The following IQSEC1 variants were observed in gnomAD, a reference collection of about 807,000 sequenced individuals.
IQSEC1 encodes the protein IQ motif and Sec7 domain ArfGEF 1.
A neutral mutation model predicts 91.0 loss-of-function variants in IQSEC1; 31 were observed. The ratio of observed to expected loss-of-function variants is 0.34; its 90% CI spans 0.26 to 0.46. The LOEUF (loss-of-function observed/expected upper bound fraction) is 0.46, where lower values mean the gene tolerates loss of function less well. Among genes scored for constraint, IQSEC1 ranks in the 20% least tolerant of loss-of-function variants. IQSEC1 has a pLI of 1.00. For missense variants in IQSEC1, 1,388 were observed against 1,575.6 expected (o/e 0.88, Z 2.02); for synonymous variants, 699 against 662.6 (o/e 1.05, Z -0.84).
intron 1 of IQSEC1, among the ~76,000 whole-genome samples, chr3:13,071,350 T>C (rs1271190401): frequency 1.3e-5 from 2 of 152,036 alleles, no homozygotes; most frequent in Admixed American, 6.6e-5. Context: ...TTTCTGAGCA[T>C]TGGAGGCAAG....
intron 1 of IQSEC1, among the ~76,000 whole-genome samples, chr3:12,955,491 C>A (rs931740573): frequency 2.0e-5 from 3 of 152,232 alleles, no homozygotes; most frequent in South Asian, 2.1e-4. Flanking sequence ...TGCAATCAAC[C>A]CCAGCCAGGG....
At chr3:13,202,417 G>A (rs1183007577) in intron 1 of IQSEC1, among the ~76,000 whole-genome samples, 1 of 152,220 alleles carries the variant, frequency 6.6e-6, no homozygotes, top group Non-Finnish European at 1.5e-5. Flanking sequence ...GACCATCGAT[G>A]GAGGAATAAA....
At chr3:13,059,587 C>CA (rs1704994562) in intron 1 of IQSEC1, among the ~76,000 whole-genome samples, 1 of 151,894 alleles carries the variant, frequency 6.6e-6, no homozygotes, top group South Asian at 2.1e-4. Context: ...CCAGTCTCTA[C>CA]AAAAAAATAA....
intron 1 of IQSEC1, among the ~76,000 whole-genome samples, chr3:13,040,557 A>G (rs1440920143): frequency 2.0e-5 from 3 of 152,120 alleles, no homozygotes; most frequent in Non-Finnish European, 4.4e-5. Flanking sequence ...TGGCCCCCAG[A>G]GTGTGACTCT....
intron 1 of IQSEC1, among the ~76,000 whole-genome samples, chr3:12,968,921 C>A (rs1403915806): frequency 6.6e-6 from 1 of 152,204 alleles, no homozygotes; most frequent in Non-Finnish European, 1.5e-5. Context: ...GCTGAGGTGG[C>A]CCAGCTTGCA....
chr3:13,107,958 C>T (rs1414081126), intron 2 of IQSEC1, among the ~76,000 whole-genome samples: 2 of 152,230 alleles, frequency 1.3e-5, no homozygotes, highest in African/African-American at 4.8e-5. Flanking sequence ...CAGAGGGCGC[C>T]GGGGAGCAGC....
chr3:13,249,817 C>T (rs1695165079), intron 1 of IQSEC1, among the ~76,000 whole-genome samples: 1 of 152,236 alleles, frequency 6.6e-6, no homozygotes, highest in Non-Finnish European at 1.5e-5. Flanking sequence ...GCAGACGCTG[C>T]AGCCGTCATC....
chr3:13,257,784 C>T (rs562994552), intron 1 of IQSEC1, among the ~76,000 whole-genome samples: 2 of 152,344 alleles, frequency 1.3e-5, no homozygotes, highest in South Asian at 4.1e-4. Flanking sequence ...AAACTACATA[C>T]GCCCCTGCCA....
intron 1 of IQSEC1, among the ~76,000 whole-genome samples, chr3:12,995,587 C>G (rs970532774): frequency 3.9e-5 from 6 of 152,254 alleles, no homozygotes; most frequent in African/African-American, 1.2e-4. Context: ...GAACACCCAC[C>G]TGCGAAGCTG....
intron 1 of IQSEC1, among the ~76,000 whole-genome samples, chr3:12,980,226 C>A (rs1439989389): frequency 6.6e-6 from 1 of 152,214 alleles, no homozygotes; most frequent in Non-Finnish European, 1.5e-5. Context: ...AAATGACTCA[C>A]CTCCAGGCCA....
intron 7 of IQSEC1, 32 bp downstream of exon 7, chr3:12,915,562 G>C (rs774722574): frequency 1.2e-6 from 2 of 1,606,258 alleles, no homozygotes; most frequent in South Asian, 2.2e-5. Context: ...GGTGGTGCTG[G>C]GGCCCACCAC....
intron 2 of IQSEC1, among the ~76,000 whole-genome samples, chr3:13,153,265 A>T (rs358354): frequency 6.6e-6 from 1 of 152,084 alleles, no homozygotes; most frequent in South Asian, 2.1e-4. Flanking sequence ...GAAGCAGGCA[A>T]CCCCTGCAGG....
At position 12,899,467 on chromosome 3, in the gene IQSEC1, C is replaced by G; in HGVS notation, c.*1516G>C. On this transcript the variant is annotated 3_prime_UTR_variant, in exon 14 of 14. Transcript: ENST00000613206. ...GTATGGCCCGTGGGTGACTCGGGCACAGACCTGCCGCGTGCAGGTCTGGCC... is the reference window on the plus strand; with the variant it reads ...GTATGGCCCGTGGGTGACTCGGGCAGAGACCTGCCGCGTGCAGGTCTGGCC... 1 of 1,601,960 alleles carries G rather than the reference C, an allele frequency of 6.2e-7. No homozygotes were observed.
chr3:13,110,083 T>C (rs1043440306), intron 2 of IQSEC1, among the ~76,000 whole-genome samples: 2 of 151,578 alleles, frequency 1.3e-5, no homozygotes, highest in African/African-American at 4.8e-5. Context: ...AGGTTTCCCA[T>C]GTTGGCCAGG....
chr3:13,073,203 C>G lies in IQSEC1; in HGVS notation c.-189G>C. On this transcript the variant is annotated 5_prime_UTR_variant, in exon 1 of 14. Transcript: ENST00000613206. ...GGGCGGGAGCGGGGGGCGGCGCCAG[C>G]AGCGGGCTGTGGAGGGCCCTGGCAC... The G allele has an allele frequency of 4.4e-6, 3 of 685,590 alleles. No homozygotes were observed. The South Asian group carries it at 5.2e-5, about 12-fold the overall frequency. The allele number at this position is 685,590 out of a possible 1,614,324, so 42.5% of individuals were successfully genotyped here.
At chr3:13,140,435 G>T (rs1242082969) in intron 2 of IQSEC1, among the ~76,000 whole-genome samples, 1 of 152,234 alleles carries the variant, frequency 6.6e-6, no homozygotes, top group Non-Finnish European at 1.5e-5. Context: ...TGATGACAAA[G>T]AAAGTGAATT....
intron 1 of IQSEC1, among the ~76,000 whole-genome samples, chr3:13,009,657 G>GTA (rs1356237950): frequency 2.0e-4 from 24 of 117,848 alleles, no homozygotes; most frequent in African/African-American, 6.3e-4. Flanking sequence ...TAGTATGTTT[G>GTA]TATATATATA....
intron 1 of IQSEC1, among the ~76,000 whole-genome samples, chr3:12,942,935 C>T (rs1417174258): frequency 2.6e-5 from 4 of 152,248 alleles, no homozygotes; most frequent in African/African-American, 7.2e-5. Context: ...ACCCTGCCTA[C>T]GCCCTGATCC....
Position 12,935,588 on chromosome 3 carries a change from C to T in IQSEC1, c.1428G>A (p.Ser476=), listed in dbSNP as rs3732685. 5,353 of 1,614,096 alleles carry T rather than the reference C, an allele frequency of 3.3e-3. 106 individuals carry two copies. In the East Asian group the frequency reaches 0.043, roughly 13 times the overall value. Residue 476 remains serine (S), a synonymous_variant, in exon 3 of 14, where the codon TCG becomes TCA. Transcript: ENST00000613206. This position sits in a 1 kb window ranked among gnomAD's most constrained non-coding sequence, Gnocchi z 8.0. ...NDTINCSSES[S]SRDSLREQTL... Reference sequence around the variant, plus strand: ...TCTGCTCCCGCAGGCTGTCACGGGACGATGACTCGGAGCTGCAGTTGATGG... The same window carrying T: ...TCTGCTCCCGCAGGCTGTCACGGGATGATGACTCGGAGCTGCAGTTGATGG...
Sources: gnomAD v4.1 joint callset for allele counts (sites outside exome capture counted in the v4.1 genomes callset) on GRCh38, gnomAD v4.1.1 for gene constraint, Gnocchi (gnomAD v3.1) non-coding constraint, MANE v1.5 for transcripts, NCBI Gene and HGNC (gene_info 2026-07-23, HGNC 2026-07-21) for gene names.